ANO3: variants seen among roughly 807,000 people sequenced by gnomAD.
ANO3 encodes anoctamin 3.
ANO3 carries 99 observed loss-of-function variants against 144.8 expected under a neutral mutation model. That is an observed-to-expected ratio of 0.68 (90% CI 0.58 to 0.81). ANO3 has a LOEUF of 0.81. ANO3 is among the 30% of genes least tolerant of loss of function. The pLI is 0.00. For synonymous variants in ANO3, 414 were observed against 392.6 expected (o/e 1.05, Z -0.64); for missense variants, 905 against 1,202.2 (o/e 0.75, Z 3.66).
intron 1 of ANO3, among the ~76,000 whole-genome samples, chr11:26,223,324 C>G (rs1852188247): frequency 6.6e-6 from 1 of 152,106 alleles, no homozygotes; most frequent in South Asian, 2.1e-4. Flanking sequence ...GATCTTTACT[C>G]AAGTTCCCAA....
At chr11:26,206,760 A>AT in intron 1 of ANO3, among the ~76,000 whole-genome samples, 1 of 152,206 alleles carries the variant, frequency 6.6e-6, no homozygotes, top group Non-Finnish European at 1.5e-5. Context: ...TAAGCTGGTC[A>AT]TTGAGCAGAT....
intron 1 of ANO3, among the ~76,000 whole-genome samples, chr11:26,416,127 C>G (rs895958853): frequency 1.3e-5 from 2 of 152,008 alleles, no homozygotes; most frequent in Admixed American, 6.6e-5. Flanking sequence ...ATAAGAGCAT[C>G]TAAACTTTAT....
intron 1 of ANO3, among the ~76,000 whole-genome samples, chr11:26,197,722 T>C (rs3108827): frequency 0.47 from 70,929 of 151,822 alleles, 17,188 homozygotes; most frequent in African/African-American, 0.6. Flanking sequence ...AGGGTTTACT[T>C]CATGGTCCTA....
chr11:26,365,436 A>T (rs1856041367), intron 1 of ANO3, among the ~76,000 whole-genome samples: 1 of 152,146 alleles, frequency 6.6e-6, no homozygotes, highest in South Asian at 2.1e-4. Flanking sequence ...TCCAACCCAA[A>T]ATTTCCCATT....
upstream of ANO3, among the ~76,000 whole-genome samples, chr11:26,306,508 T>TA (rs36021934): frequency 0.024 from 3,641 of 151,708 alleles, 133 homozygotes; most frequent in African/African-American, 0.084. Flanking sequence ...CTACAAAAAA[T>TA]AAAAAATTAG....
At chr11:26,250,472 A>C (rs758308756) in intron 1 of ANO3, among the ~76,000 whole-genome samples, 11 of 152,170 alleles carry the variant, frequency 7.2e-5, no homozygotes, top group Non-Finnish European at 1.2e-4. Context: ...TCCAAAGGAC[A>C]CTATTTTACG....
chr11:26,527,409 T>C (rs569330662), intron 7 of ANO3, among the ~76,000 whole-genome samples: 101 of 152,264 alleles, frequency 6.6e-4, no homozygotes, highest in Non-Finnish European at 1.3e-3. Flanking sequence ...TCATTTTACT[T>C]ATAATAAGTA....
intron 1 of ANO3, among the ~76,000 whole-genome samples, chr11:26,314,244 T>C (rs1252066094): frequency 2.0e-5 from 3 of 152,208 alleles, no homozygotes; most frequent in African/African-American, 4.8e-5. Context: ...CCTGGACTTT[T>C]GAGTCCGATT....
At chr11:26,454,213 G>A (rs967992842) in intron 3 of ANO3, among the ~76,000 whole-genome samples, 11 of 151,844 alleles carry the variant, frequency 7.2e-5, no homozygotes, top group African/African-American at 9.7e-5. Context: ...AGAAGGCAAG[G>A]AATAACTAAA....
chr11:26,591,607 C>G (rs1314196859), intron 14 of ANO3, among the ~76,000 whole-genome samples: 2 of 152,082 alleles, frequency 1.3e-5, no homozygotes, highest in African/African-American at 2.4e-5. Context: ...TTCTGGGAAG[C>G]CACATTCTCC....
intron 4 of ANO3, among the ~76,000 whole-genome samples, chr11:26,504,895 C>T (rs1402538410): frequency 6.6e-6 from 1 of 151,446 alleles, no homozygotes; most frequent in African/African-American, 2.4e-5. Flanking sequence ...GCCTGTAGTC[C>T]GAGCTACTCG....
intron 17 of ANO3, among the ~76,000 whole-genome samples, chr11:26,619,927 T>G (rs1852368101): frequency 6.6e-6 from 1 of 152,240 alleles, no homozygotes; most frequent in Non-Finnish European, 1.5e-5. Context: ...GTAATTTTGA[T>G]GCACAGTCAG....
chr11:26,424,248 C>T (rs1200212936), intron 1 of ANO3, among the ~76,000 whole-genome samples: 1 of 194 alleles, frequency 5.2e-3, no homozygotes, highest in Non-Finnish European at 0.019. Context: ...CTAAAATCTC[C>T]CCCCCCACAC....
At chr11:26,228,897 A>G (rs72872762) in intron 1 of ANO3, among the ~76,000 whole-genome samples, 1,659 of 152,298 alleles carry the variant, frequency 0.011, 16 homozygotes, top group Non-Finnish European at 0.014. Context: ...TAAATTGTCA[A>G]ACTTGGTTGG....
intron 3 of ANO3, among the ~76,000 whole-genome samples, chr11:26,449,610 G>T (rs1411575484): frequency 3.3e-5 from 5 of 151,744 alleles, no homozygotes; most frequent in Non-Finnish European, 7.4e-5. Flanking sequence ...TTTCTCACTA[G>T]TTATGAGTTA....
chr11:26,433,065 C>T lies in ANO3; in HGVS notation c.47-8853C>T, dbSNP rs151099837. Among the ~76,000 whole-genome samples, 9 of 152,064 alleles carry T rather than the reference C, an allele frequency of 5.9e-5. 1 individual carries two copies. Among genetic ancestry groups the T allele is most frequent in the African/African-American group, 2.2e-4 (9 of 41,488 alleles). ...ATGTTCTTGCATTTGTTTGTATTGT[C>T]TCTGATTTTGAGCAGTGTTTGGTAA... On this transcript the variant is annotated intron_variant, in intron 1 of 26. Coordinates refer to ENST00000256737, the MANE Select transcript of ANO3 (RefSeq NM_031418.4).
intron 1 of ANO3, among the ~76,000 whole-genome samples, chr11:26,190,006 T>C (rs1180886677): frequency 6.6e-6 from 1 of 152,174 alleles, no homozygotes; most frequent in Non-Finnish European, 1.5e-5. Flanking sequence ...ATAGCTCTTA[T>C]ATGTCAACAG....
At chr11:26,209,735 TG>T (rs1279939873) in intron 1 of ANO3, among the ~76,000 whole-genome samples, 4 of 152,254 alleles carry the variant, frequency 2.6e-5, no homozygotes, top group Non-Finnish European at 2.9e-5. Context: ...ATTTCTCTAA[TG>T]GCCAGAGATG....
At chr11:26,586,503 C>CTTTTAGTTTTTTTTTTTTTTTTTTT (rs1851284676) in intron 14 of ANO3, among the ~76,000 whole-genome samples, 1 of 81,454 alleles carries the variant, frequency 1.2e-5, no homozygotes, top group Non-Finnish European at 2.2e-5. Flanking sequence ...TGGTGAGAAT[C>CTTTTAGTTTTTTTTTTTTTTTTTTT]TTTTTTTTTT....
Sources: gnomAD v4.1 joint callset for allele counts (sites outside exome capture counted in the v4.1 genomes callset) on GRCh38, gnomAD v4.1.1 for gene constraint, MANE v1.5 for transcripts, NCBI Gene and HGNC (gene_info 2026-07-23, HGNC 2026-07-21) for gene names.